Variants in TMEFF2 observed in about 807,000 individuals in gnomAD.
TMEFF2 encodes the protein tomoregulin-2.
In TMEFF2, 28 loss-of-function variants were observed where a neutral mutation model predicts 53.8. The ratio of observed to expected loss-of-function variants is 0.52; its 90% CI spans 0.39 to 0.71. The LOEUF (loss-of-function observed/expected upper bound fraction) is 0.71. TMEFF2 is among the 30% of genes least tolerant of loss of function. The pLI is 0.00. For missense variants in TMEFF2, 353 were observed against 455.2 expected (o/e 0.78, Z 2.04); for synonymous variants, 162 against 166.3 (o/e 0.97, Z 0.20).
intron 4 of TMEFF2, among the ~76,000 whole-genome samples, chr2:192,146,762 G>C (rs1370035439): frequency 2.6e-5 from 4 of 152,016 alleles, no homozygotes; most frequent in Non-Finnish European, 5.9e-5. Context: ...ATACTGGCCA[G>C]AGAAACTTGC....
intron 4 of TMEFF2, among the ~76,000 whole-genome samples, chr2:192,070,994 C>T (rs1688282409): frequency 6.6e-6 from 1 of 151,658 alleles, no homozygotes; most frequent in Non-Finnish European, 1.5e-5. Flanking sequence ...CAGGGTATAG[C>T]ATGTAATTGC....
At chr2:192,073,064 G>C (rs1030843807) in intron 4 of TMEFF2, among the ~76,000 whole-genome samples, 3 of 151,918 alleles carry the variant, frequency 2.0e-5, no homozygotes, top group Non-Finnish European at 2.9e-5. Flanking sequence ...TGCCTAAAAA[G>C]GGTTTCCAAA....
Position 192,184,479 on chromosome 2 carries a change from T to C in TMEFF2, c.287A>G (p.Asn96Ser). 1 of 1,613,178 alleles carries C rather than the reference T, an allele frequency of 6.2e-7. No homozygotes were observed. Among genetic ancestry groups the C allele is most frequent in the Admixed American group, 1.7e-5 (1 of 59,926 alleles). Residue 96 changes from asparagine (N) to serine (S), a missense_variant, in exon 3 of 10, where the codon AAC (asparagine) becomes AGC (serine). Physicochemically the swap from Asn to Ser is conservative, Grantham distance 46 (BLOSUM62 1). Around this residue, in one of 3 missense-constraint regions of TMEFF2, gnomAD observed 294 missense variants for 397.3 expected, o/e 0.74. Transcript: ENST00000272771. Reference sequence around the variant, plus strand: ...GCCACACACAGGCACATAGTCATTGTTGCACTGGGAAACACACAGATGTAA... The same window carrying C: ...GCCACACACAGGCACATAGTCATTGCTGCACTGGGAAACACACAGATGTAA... Reference protein sequence around the residue: ...TVTCVCQFKCNNDYVPVCGSN... With the variant: ...TVTCVCQFKCSNDYVPVCGSN...
At chr2:192,192,843 A>G (rs1691495808) in intron 1 of TMEFF2, among the ~76,000 whole-genome samples, 1 of 152,226 alleles carries the variant, frequency 6.6e-6, no homozygotes. Flanking sequence ...AAAAGTGATT[A>G]GGCAATAGCA....
chr2:191,957,019 G>GT (rs563588107), intron 7 of TMEFF2, among the ~76,000 whole-genome samples: 6 of 152,258 alleles, frequency 3.9e-5, no homozygotes, highest in South Asian at 2.1e-4. Context: ...ACTGAATACT[G>GT]TAAGTGTATT....
At chr2:192,093,027 C>T (rs919012315) in intron 4 of TMEFF2, among the ~76,000 whole-genome samples, 1 of 152,082 alleles carries the variant, frequency 6.6e-6, no homozygotes, top group Non-Finnish European at 1.5e-5. Context: ...GCAATATAGA[C>T]CCCCAAATTA....
At chr2:191,988,903 T>G (rs773458217) in intron 7 of TMEFF2, among the ~76,000 whole-genome samples, 18 of 152,186 alleles carry the variant, frequency 1.2e-4, no homozygotes, top group Non-Finnish European at 1.5e-5. Context: ...AAATGCAGGA[T>G]AATTAGTACA....
intron 4 of TMEFF2, among the ~76,000 whole-genome samples, chr2:192,089,529 C>T (rs967782340): frequency 6.6e-6 from 1 of 152,060 alleles, no homozygotes; most frequent in African/African-American, 2.4e-5. Flanking sequence ...GAATCTTTGA[C>T]AGTCTTCATG....
At chr2:192,103,283 C>T (rs377229808) in intron 4 of TMEFF2, among the ~76,000 whole-genome samples, 4 of 152,250 alleles carry the variant, frequency 2.6e-5, no homozygotes, top group South Asian at 2.1e-4. Flanking sequence ...CCTTTCTCCA[C>T]GCCCCTTTCT....
chr2:192,184,919 A>C (rs1691274335), intron 2 of TMEFF2, among the ~76,000 whole-genome samples: 1 of 152,148 alleles, frequency 6.6e-6, no homozygotes, highest in African/African-American at 2.4e-5. Flanking sequence ...CAAAATGCCA[A>C]AGAAATCAAT....
At chr2:192,149,300 A>G (rs1304441447) in intron 4 of TMEFF2, among the ~76,000 whole-genome samples, 4 of 151,908 alleles carry the variant, frequency 2.6e-5, no homozygotes, top group Non-Finnish European at 5.9e-5. Flanking sequence ...TTCTTTTGCT[A>G]TTTCATTTGC....
At chr2:192,086,726 G>A (rs1483844854) in intron 4 of TMEFF2, among the ~76,000 whole-genome samples, 2 of 152,052 alleles carry the variant, frequency 1.3e-5, no homozygotes, top group East Asian at 1.9e-4. Context: ...AAGTTCACAC[G>A]TCTTTAATTC....
intron 5 of TMEFF2, among the ~76,000 whole-genome samples, chr2:192,014,867 A>G (rs1002892630): frequency 2.0e-5 from 3 of 152,218 alleles, no homozygotes; most frequent in Non-Finnish European, 4.4e-5. Flanking sequence ...TTAAATCATG[A>G]ACTACAACAG....
At chr2:192,164,980 G>T (rs1465172314) in intron 4 of TMEFF2, among the ~76,000 whole-genome samples, 1 of 145,072 alleles carries the variant, frequency 6.9e-6, no homozygotes, top group Non-Finnish European at 1.5e-5. Context: ...AATAAAAACT[G>T]TGTGTGTGTG....
At chr2:192,144,109 T>C (rs1044695626) in intron 4 of TMEFF2, among the ~76,000 whole-genome samples, 5 of 152,088 alleles carry the variant, frequency 3.3e-5, no homozygotes, top group African/African-American at 1.2e-4. Context: ...ACATAATTTC[T>C]ATTTTTTGAA....
At chr2:192,018,677 T>C (rs531477044) in intron 5 of TMEFF2, among the ~76,000 whole-genome samples, 32 of 152,274 alleles carry the variant, frequency 2.1e-4, no homozygotes, top group African/African-American at 7.7e-4. Context: ...CCTGATGATA[T>C]TCACTTGAAA....
intron 7 of TMEFF2, among the ~76,000 whole-genome samples, chr2:191,969,557 A>T (rs1241514421): frequency 6.6e-6 from 1 of 152,200 alleles, no homozygotes; most frequent in African/African-American, 2.4e-5. Context: ...CTAATCATGA[A>T]AGACAAGAAG....
At chr2:191,983,391 C>CT (rs11396477) in intron 7 of TMEFF2, among the ~76,000 whole-genome samples, 110,005 of 144,308 alleles carry the variant, frequency 0.76, 41,922 homozygotes, top group East Asian at 0.9. Flanking sequence ...GCATCTTAGC[C>CT]TTTTTTTTTT....
At chr2:192,007,791 G>C (rs1686534707) in intron 5 of TMEFF2, among the ~76,000 whole-genome samples, 1 of 152,136 alleles carries the variant, frequency 6.6e-6, no homozygotes, top group South Asian at 2.1e-4. Flanking sequence ...ACTGCTGTTA[G>C]GTATAGAGAC....
Sources: allele counts gnomAD v4.1 joint callset (sites outside exome capture counted in the v4.1 genomes callset), GRCh38; gene constraint gnomAD v4.1.1; regional missense constraint gnomAD v4.1.1; transcripts MANE v1.5; gene names NCBI Gene and HGNC (gene_info 2026-07-23, HGNC 2026-07-21).